Variants in FBXW4 observed in about 807,000 individuals in gnomAD.
FBXW4 encodes F-box and WD repeat domain containing 4.
A neutral mutation model predicts 61.8 loss-of-function variants in FBXW4; 40 were observed. The observed-to-expected ratio is 0.65, with a 90% CI of 0.50 to 0.84. The LOEUF (loss-of-function observed/expected upper bound fraction) is 0.84, where lower values mean the gene tolerates loss of function less well. FBXW4 is among the 40% of genes least tolerant of loss of function. The pLI is 0.00. For missense variants in FBXW4, 672 were observed against 753.8 expected (o/e 0.89, Z 1.27); for synonymous variants, 311 against 313.8 (o/e 0.99, Z 0.10).
At chr10:101,612,019 A>G (rs1184887027) in intron 7 of FBXW4, among the ~76,000 whole-genome samples, 3 of 152,264 alleles carry the variant, frequency 2.0e-5, no homozygotes, top group African/African-American at 7.2e-5. Context: ...ATGGCCAGCT[A>G]CTTGTCACTG....
intron 5 of FBXW4, chr10:101,628,060 G>C (rs1301409317): frequency 2.5e-6 from 2 of 802,674 alleles, no homozygotes; most frequent in African/African-American, 1.9e-5. Context: ...TCCTGTGCTA[G>C]GCGTGTCAAA....
intron 5 of FBXW4, among the ~76,000 whole-genome samples, chr10:101,650,786 G>A (rs1042511649): frequency 6.6e-6 from 1 of 152,208 alleles, no homozygotes; most frequent in African/African-American, 2.4e-5. Flanking sequence ...AGGCCCCCCA[G>A]CCTGGCCTCC....
At chr10:101,639,135 G>C (rs1422667482) in intron 5 of FBXW4, among the ~76,000 whole-genome samples, 2 of 152,172 alleles carry the variant, frequency 1.3e-5, no homozygotes, top group Non-Finnish European at 2.9e-5. Context: ...TTTTCCTTTG[G>C]AGGAAGCCTG....
chr10:101,692,809 G>T (rs942541273), intron 1 of FBXW4, among the ~76,000 whole-genome samples: 29 of 151,070 alleles, frequency 1.9e-4, no homozygotes, highest in Non-Finnish European at 3.1e-4. Flanking sequence ...GATTTATCAG[G>T]TCTGTGGAGG....
chr10:101,684,944 G>A (rs1342286175), intron 1 of FBXW4, among the ~76,000 whole-genome samples: 1 of 152,184 alleles, frequency 6.6e-6, no homozygotes, highest in African/African-American at 2.4e-5. Context: ...AGGGCATGGA[G>A]CTGACTGAAC....
At chr10:101,619,634 G>A (rs2063852470) in intron 6 of FBXW4, among the ~76,000 whole-genome samples, 1 of 151,684 alleles carries the variant, frequency 6.6e-6, no homozygotes, top group African/African-American at 2.4e-5. Flanking sequence ...ACTCCACCCT[G>A]GGTAATAGAG....
At chr10:101,619,016 C>T (rs941216304) in intron 6 of FBXW4, among the ~76,000 whole-genome samples, 2 of 152,210 alleles carry the variant, frequency 1.3e-5, no homozygotes, top group African/African-American at 4.8e-5. Context: ...CAACACAAGG[C>T]ACCTTCCCTG....
intron 6 of FBXW4, among the ~76,000 whole-genome samples, chr10:101,623,402 A>G (rs1395214164): frequency 6.6e-6 from 1 of 152,166 alleles, no homozygotes; most frequent in African/African-American, 2.4e-5. Context: ...ATAAATAAAT[A>G]TAGATTTTAA....
chr10:101,672,950 T>A lies in FBXW4; in HGVS notation c.1105A>T (p.Ile369Phe). 1.2e-6 allele frequency: 2 copies of A among 1,614,094 alleles called. No homozygotes were observed. Among genetic ancestry groups the A allele is most frequent in the Non-Finnish European group, 1.7e-6 (2 of 1,180,018 alleles). Residue 369 changes from isoleucine to phenylalanine, a missense_variant, in exon 4 of 9, where the codon ATC becomes TTC. By Grantham distance (21) the Ile-to-Phe change is conservative (BLOSUM62 0). Around this residue, in one of 5 missense-constraint regions of FBXW4, gnomAD observed 312 missense variants for 370.1 expected, o/e 0.84. Coordinates refer to ENST00000331272, the MANE Select transcript of FBXW4 (RefSeq NM_022039.4). ...CTGTCCCTGGAGCCACTCACAATGA[T>A]GCCCCCTTTGCAATCCACACAGTTC... is the stretch of plus-strand genomic sequence containing the variant. ...EVNCVDCKGG[I>F]IVSGSRDRTA...
intron 5 of FBXW4, among the ~76,000 whole-genome samples, chr10:101,647,322 C>T (rs967833096): frequency 1.1e-4 from 17 of 152,182 alleles, no homozygotes; most frequent in Non-Finnish European, 1.9e-4. Context: ...CTGTACCTTC[C>T]TTGGGTGACT....
chr10:101,660,013 T>C (rs1184616241), intron 5 of FBXW4: 13 of 862,338 alleles, frequency 1.5e-5, no homozygotes, highest in Non-Finnish European at 1.8e-5. Context: ...CCCTAACTTG[T>C]AATATAAGGA....
chr10:101,618,659 C>T (rs868358613), intron 6 of FBXW4, among the ~76,000 whole-genome samples: 1 of 152,098 alleles, frequency 6.6e-6, no homozygotes, highest in Non-Finnish European at 1.5e-5. Context: ...TGGCCAAGGA[C>T]TCAATACCCT....
In FBXW4 at chr10:101,636,469, A is replaced by G. The variant is rs117644376; in HGVS notation, c.1236-11659T>C. Among the ~76,000 whole-genome samples, 224 of 152,218 alleles carry G rather than the reference A, an allele frequency of 1.5e-3. 6 individuals carry two copies. The East Asian group carries it at 0.033, about 23-fold the overall frequency. ...ATAATTACAAACACACATAGTATTT[A>G]ATGTGTGCCCAAGTGCTGTTCTAAG... On this transcript the variant is annotated intron_variant, in intron 5 of 8. Coordinates refer to ENST00000331272, the MANE Select transcript of FBXW4 (RefSeq NM_022039.4).
intron 5 of FBXW4, among the ~76,000 whole-genome samples, chr10:101,648,596 C>T (rs541022390): frequency 2.0e-5 from 3 of 152,240 alleles, no homozygotes; most frequent in East Asian, 1.9e-4. Context: ...ACAGAACCAG[C>T]GCCTTGCCTG....
chr10:101,615,291 T>A (rs1490959346), intron 6 of FBXW4, among the ~76,000 whole-genome samples: 3 of 151,986 alleles, frequency 2.0e-5, no homozygotes, highest in African/African-American at 4.8e-5. Flanking sequence ...CCTGTCACTA[T>A]AGAGGGCCAG....
intron 5 of FBXW4, among the ~76,000 whole-genome samples, chr10:101,648,480 C>G (rs1169242690): frequency 6.6e-6 from 1 of 152,180 alleles, no homozygotes; most frequent in Non-Finnish European, 1.5e-5. Context: ...TTTCTGGGGA[C>G]TGATTATACT....
At position 101,694,403 on chromosome 10, in the gene FBXW4, A is replaced by T; in HGVS notation, c.703T>A (p.Phe235Ile). 6.7e-7 allele frequency: 1 copy of T among 1,493,434 alleles called. No individual in the cohort carries two copies. Among genetic ancestry groups the T allele is most frequent in the Non-Finnish European group, 8.8e-7 (1 of 1,133,818 alleles). 92.5% of individuals were successfully genotyped at this position (1,493,434 alleles called of 1,614,324 possible). The change falls in exon 1 of 9, where the codon TTC becomes ATC. Residue 235 changes from phenylalanine to isoleucine, a missense_variant. Phe to Ile is a conservative substitution (Grantham distance 21, BLOSUM62 0). This residue lies in a region of FBXW4 where 311 missense variants were observed against 301.1 expected (regional missense o/e 1.03). Transcript: ENST00000331272. This position sits in a 1 kb window ranked among gnomAD's most constrained non-coding sequence, Gnocchi z 6.0. ...RIARASLNSG[F>I]TRLGTDLMTS... ...TACAGGTCGGTGCCGAGCCGCGTGA[A>T]GCCGGAGTTGAGCGAGGCCCGGGCT...
chr10:101,619,225 G>C (rs2063848986), intron 6 of FBXW4, among the ~76,000 whole-genome samples: 2 of 152,198 alleles, frequency 1.3e-5, no homozygotes, highest in Non-Finnish European at 2.9e-5. Flanking sequence ...TGGGAGTTAG[G>C]GAATGGGCTT....
At chr10:101,624,959 C>T (rs2063896395) in intron 5 of FBXW4, 149 bp from the exon 6 acceptor site, 1 of 819,772 alleles carries the variant, frequency 1.2e-6, no homozygotes, top group Non-Finnish European at 2.0e-6. Context: ...ATCAGAGGAG[C>T]TGTGGGAAGA....
Sources: allele counts gnomAD v4.1 joint callset (sites outside exome capture counted in the v4.1 genomes callset), GRCh38; gene constraint gnomAD v4.1.1; regional missense constraint gnomAD v4.1.1; non-coding constraint Gnocchi (gnomAD v3.1); transcripts MANE v1.5; gene names NCBI Gene and HGNC (gene_info 2026-07-23, HGNC 2026-07-21).